Variants in GOLGA3 observed in about 807,000 individuals in gnomAD.
GOLGA3 encodes golgin subfamily A member 3.
A neutral mutation model predicts 169.4 loss-of-function variants in GOLGA3; 75 were observed. That is an observed-to-expected ratio of 0.44 (90% CI 0.37 to 0.54). The LOEUF is 0.54. GOLGA3 is among the 20% of genes least tolerant of loss of function. GOLGA3 has a pLI of 0.00. For missense variants in GOLGA3, 1,899 were observed against 1,930.0 expected, an observed-to-expected ratio of 0.98 and a Z score of 0.30; for synonymous variants, 824 against 822.4, an observed-to-expected ratio of 1.00 and a Z score of -0.03.
intron 2 of GOLGA3, 75 bp from the exon 3 acceptor site, chr12:132,816,887 A>G: frequency 7.6e-7 from 1 of 1,310,618 alleles, no homozygotes; most frequent in Non-Finnish European, 1.0e-6. Flanking sequence ...ATGCAGCTGG[A>G]GTAGGAGAGA....
chr12:132,814,515 C>T (rs1252552862), intron 3 of GOLGA3, among the ~76,000 whole-genome samples: 1 of 152,190 alleles, frequency 6.6e-6, no homozygotes, highest in Non-Finnish European at 1.5e-5. Context: ...GGAGCTCAGC[C>T]GTCGTGGGGT....
intron 16 of GOLGA3, among the ~76,000 whole-genome samples, chr12:132,782,740 G>A (rs188503466): frequency 1.3e-5 from 2 of 152,192 alleles, no homozygotes; most frequent in East Asian, 1.9e-4. Context: ...AGCCACTATC[G>A]TGGCACATGC....
At chr12:132,821,650 C>T (rs562097672) in intron 2 of GOLGA3, among the ~76,000 whole-genome samples, 12 of 151,760 alleles carry the variant, frequency 7.9e-5, no homozygotes, top group East Asian at 1.9e-4. Flanking sequence ...GTCAGGAGAT[C>T]GAGACCATCT....
At chr12:132,798,575 T>C in intron 8 of GOLGA3, 98 bp from the exon 9 acceptor site, 1 of 981,540 alleles carries the variant, frequency 1.0e-6, no homozygotes, top group Non-Finnish European at 1.4e-6. Flanking sequence ...GGTCACTGGC[T>C]GCCCCCTCAG....
intron 18 of GOLGA3, among the ~76,000 whole-genome samples, chr12:132,780,057 A>G (rs1408438532): frequency 7.9e-6 from 1 of 126,994 alleles, no homozygotes; most frequent in Non-Finnish European, 1.6e-5. Context: ...CCGCGCACAT[A>G]CACACACACA....
intron 18 of GOLGA3, among the ~76,000 whole-genome samples, chr12:132,780,462 CT>C: frequency 6.6e-6 from 1 of 152,240 alleles, no homozygotes; most frequent in Non-Finnish European, 1.5e-5. Flanking sequence ...AGAACCACCC[CT>C]CTTATCTGCC....
In GOLGA3 at chr12:132,769,705, G is replaced by A. The variant is rs1036342811; in HGVS notation, c.*3400C>T. The stretch of plus-strand genomic sequence containing the variant: ...GTGTGGGGATGAACACGCCGCCCTA[G>A]CCCGTGACACACGGCGTGGGGATGA... On this transcript the variant is annotated 3_prime_UTR_variant, in exon 24 of 24. Transcript: ENST00000450791. 2.0e-5 allele frequency: 3 copies of A among 151,994 alleles called. No homozygotes were observed. The highest frequency in any genetic ancestry group is 4.4e-5 in the Non-Finnish European group (3 of 68,004). The allele number at this position is 151,994 out of a possible 1,614,324, so 9.4% of individuals were successfully genotyped here. A position where few individuals can be genotyped will look rare whatever the true frequency, so the allele number is the denominator to read the frequency against.
At chr12:132,796,724 A>C in intron 9 of GOLGA3, 24 bp from the exon 10 acceptor site, 1 of 1,610,876 alleles carries the variant, frequency 6.2e-7, no homozygotes, top group Non-Finnish European at 8.5e-7. Context: ...ACTTGTTTTT[A>C]AAAAGGCAGG....
chr12:132,802,858 C>T (rs796949211), intron 7 of GOLGA3, among the ~76,000 whole-genome samples: 1 of 152,022 alleles, frequency 6.6e-6, no homozygotes, highest in African/African-American at 2.4e-5. Flanking sequence ...GAGTTCGAGA[C>T]CAGCCTGGCC....
Position 132,774,283 on chromosome 12 carries a change from G to T in GOLGA3, c.4181C>A (p.Pro1394His). 6.2e-7 allele frequency: 1 copy of T among 1,612,764 alleles called. No homozygotes were observed. Among genetic ancestry groups the T allele is most frequent in the Non-Finnish European group, 8.5e-7 (1 of 1,180,026 alleles). Residue 1394 changes from proline to histidine, a missense_variant, in exon 23 of 24, where the codon CCT (proline) becomes CAT (histidine). Coordinates refer to ENST00000450791, the MANE Select transcript of GOLGA3 (RefSeq NM_001389683.1). The part of the protein sequence containing the change: ...EPKGEASSSN[P>H]ATPIKIPDCP... The stretch of plus-strand genomic sequence containing the variant: ...GTCCGGGATCTTGATGGGCGTGGCA[G>T]GGTTGGAAGAGCTGGCCTCGCCTTT...
At position 132,771,354 on chromosome 12, in the gene GOLGA3, A is replaced by C. The variant is rs1470951341; in HGVS notation, c.*1751T>G. The C allele has an allele frequency of 1.3e-5, 2 of 152,454 alleles. No homozygotes were observed. The highest frequency in any genetic ancestry group is 2.9e-5 in the Non-Finnish European group (2 of 68,040). The allele number at this position is 152,454 out of a possible 1,614,324, so 9.4% of individuals were successfully genotyped here. On this transcript the variant is annotated 3_prime_UTR_variant, in exon 24 of 24. Transcript: ENST00000450791. ...ACTCAGAACCTCATTTCAGACCAGT[A>C]CATCTGCAGAGGAGGCCACGCGGAC...
chr12:132,774,335 A>G lies in GOLGA3; in HGVS notation c.4144-15T>C, dbSNP rs2045096009. The G allele has an allele frequency of 6.2e-7, 1 of 1,610,040 alleles. No individual in the cohort carries two copies. Among genetic ancestry groups the G allele is most frequent in the African/African-American group, 1.3e-5 (1 of 75,036 alleles). On this transcript the variant is annotated splice_polypyrimidine_tract_variant and intron_variant, in intron 22 of 23. Transcript: ENST00000450791. ...GGCTCCTTTCTCTGTTTTTAAAAGCACATGATCAGCTTTCCCACCGTCCCC... is the reference window on the plus strand; with the variant it reads ...GGCTCCTTTCTCTGTTTTTAAAAGCGCATGATCAGCTTTCCCACCGTCCCC...
At chr12:132,806,071 G>A (rs563794382) in intron 6 of GOLGA3, among the ~76,000 whole-genome samples, 5 of 152,164 alleles carry the variant, frequency 3.3e-5, no homozygotes, top group Non-Finnish European at 5.9e-5. Flanking sequence ...CTGCCCCCAC[G>A]CTGAGGCCTA....
rs1378713556 is a variant in GOLGA3 at position 132,777,740 on chromosome 12, C to T, written c.3648G>A (p.Leu1216=). Residue 1216 remains leucine (L), a synonymous_variant, in exon 19 of 24, where the codon CTG becomes CTA. Transcript: ENST00000450791. This position sits in a 1 kb window ranked among gnomAD's most constrained non-coding sequence, Gnocchi z 4.7. ...CCTGCAGCTCCTTCTTCACCTCACT[C>T]AGCTCCAAGGAGGCCGCCTTGAAGT... ...RRHFKAASLE[L]SEVKKELQAK... is the part of the protein sequence containing the mutation. The T allele has an allele frequency of 6.2e-7, 1 of 1,613,994 alleles. No homozygotes were observed. Among genetic ancestry groups the T allele is most frequent in the African/African-American group, 1.3e-5 (1 of 74,942 alleles).
chr12:132,779,834 T>C (rs1005461954), intron 18 of GOLGA3, among the ~76,000 whole-genome samples: 12 of 95,060 alleles, frequency 1.3e-4, no homozygotes, highest in African/African-American at 4.4e-4. Context: ...CCACAGCCCT[T>C]GCACGGACAC....
chr12:132,816,477 G>T, intron 3 of GOLGA3, 63 bp downstream of exon 3: 1 of 1,540,482 alleles, frequency 6.5e-7, no homozygotes, highest in Non-Finnish European at 8.9e-7. Flanking sequence ...CAGGGCACCT[G>T]CTCCCAAGGG....
chr12:132,813,490 T>C, intron 3 of GOLGA3, 71 bp from the exon 4 acceptor site: 1 of 817,004 alleles, frequency 1.2e-6, no homozygotes, highest in Non-Finnish European at 2.0e-6. Flanking sequence ...CACAAGAACT[T>C]GGTCATTTTG....
In GOLGA3 at chr12:132,796,001, C is replaced by T. The variant is rs772295280; in HGVS notation, c.2320G>A (p.Glu774Lys). ...AAAGCCGCCTCCAAGATGATCTTCT[C>T]GTTCTGCAGGAGGCAGATCGTGTCC... The part of the protein sequence containing the change: ...REDTICLLQN[E>K]KIILEAALQA... The change falls in exon 11 of 24, where the codon GAG (glutamate) becomes AAG (lysine). Residue 774 changes from glutamate (E) to lysine (K), a missense_variant. Glu to Lys is a moderately conservative substitution (Grantham distance 56). Coordinates refer to ENST00000450791, the MANE Select transcript of GOLGA3 (RefSeq NM_001389683.1). The T allele has an allele frequency of 1.7e-5, 27 of 1,613,434 alleles. No individual in the cohort carries two copies. Among genetic ancestry groups the T allele is most frequent in the Admixed American group, 3.3e-5 (2 of 60,014 alleles).
At chr12:132,817,331 G>A (rs1306785823) in intron 2 of GOLGA3, among the ~76,000 whole-genome samples, 1 of 3,504 alleles carries the variant, frequency 2.9e-4, no homozygotes, top group African/African-American at 6.2e-4. Flanking sequence ...ACACCTCCAC[G>A]CTCTAAGGTG....
Sources: allele counts gnomAD v4.1 joint callset (sites outside exome capture counted in the v4.1 genomes callset), GRCh38; gene constraint gnomAD v4.1.1; non-coding constraint Gnocchi (gnomAD v3.1); transcripts MANE v1.5; gene names NCBI Gene and HGNC (gene_info 2026-07-23, HGNC 2026-07-21).